The following EXD3 variants were observed in gnomAD, a reference collection of about 807,000 sequenced individuals.
EXD3 encodes exonuclease 3'-5' domain containing 3.
A neutral mutation model predicts 98.0 loss-of-function variants in EXD3; 92 were observed. That is an observed-to-expected ratio of 0.94 (90% CI 0.79 to 1.12). EXD3 has a LOEUF of 1.12. Among genes scored for constraint, EXD3 ranks in the 50% most tolerant of loss-of-function variants. EXD3 has a pLI of 0.00. For synonymous variants in EXD3, 569 were observed against 526.0 expected (o/e 1.08, Z -1.12); for missense variants, 1,222 against 1,191.6 (o/e 1.03, Z -0.38).
At chr9:137,316,797 T>G (rs756831267) in intron 19 of EXD3, among the ~76,000 whole-genome samples, 2 of 151,908 alleles carry the variant, frequency 1.3e-5, no homozygotes, top group Non-Finnish European at 2.9e-5. Context: ...CCGCGTGGGC[T>G]GCTGGAGCCT....
At chr9:137,394,700 C>CGAGCG (rs2131764750) in intron 2 of EXD3, among the ~76,000 whole-genome samples, 1 of 47,342 alleles carries the variant, frequency 2.1e-5, no homozygotes, top group East Asian at 4.6e-4. Flanking sequence ...GCAGGGCAGC[C>CGAGCG]GAGCGAGCGG....
At chr9:137,368,640 C>T (rs1009679663) in intron 5 of EXD3, among the ~76,000 whole-genome samples, 4 of 152,232 alleles carry the variant, frequency 2.6e-5, no homozygotes, top group African/African-American at 4.8e-5. Context: ...GAGCAGCCCG[C>T]GGAGCATCGG....
In EXD3 at chr9:137,407,984, C is replaced by T. The variant is rs1837812799; in HGVS notation, c.-47-12580G>A. The stretch of plus-strand genomic sequence containing the variant: ...CCAGCCTCACGCCTCCGGGGGTCTC[C>T]CCAGCCTCATGCCTCTGGGGATCTC... On this transcript the variant is annotated intron_variant, in intron 1 of 21. Coordinates refer to ENST00000340951, the MANE Select transcript of EXD3 (RefSeq NM_017820.5). This position sits in a 1 kb window ranked among gnomAD's most constrained non-coding sequence, Gnocchi z 4.4. 6.6e-6 allele frequency among the ~76,000 whole-genome samples: 1 copy of T among 152,074 alleles called. No individual in the cohort carries two copies. The highest frequency in any genetic ancestry group is 1.5e-5 in the Non-Finnish European group (1 of 68,016).
At chr9:137,406,813 C>T (rs1272992203) in intron 1 of EXD3, among the ~76,000 whole-genome samples, 3 of 152,114 alleles carry the variant, frequency 2.0e-5, no homozygotes, top group Non-Finnish European at 4.4e-5. Context: ...TCCCGACCCC[C>T]ACCCCAGGCC....
intron 5 of EXD3, 120 bp from the exon 6 acceptor site, chr9:137,368,109 CT>C: frequency 1.2e-6 from 1 of 807,200 alleles, no homozygotes; most frequent in African/African-American, 1.7e-5. Context: ...AGTGCAGGGC[CT>C]TCCCGTGTTC....
At chr9:137,336,364 G>A (rs946212004) in intron 17 of EXD3, among the ~76,000 whole-genome samples, 3 of 152,072 alleles carry the variant, frequency 2.0e-5, no homozygotes, top group Admixed American at 6.6e-5. Flanking sequence ...TCAAATATAC[G>A]TGTTAACATT....
chr9:137,354,174 C>T lies in EXD3; in HGVS notation c.870+165G>A, dbSNP rs1013843201. Reference sequence around the variant, plus strand: ...CGCTCAGGCCTCCCGGGCCTGAGGACCCTACACCCGCCTGCCAGCCACACG... The same window carrying T: ...CGCTCAGGCCTCCCGGGCCTGAGGATCCTACACCCGCCTGCCAGCCACACG... On this transcript the variant is annotated intron_variant, in intron 10 of 21. Transcript: ENST00000340951. 9 of 1,450,612 alleles carry T rather than the reference C, an allele frequency of 6.2e-6. No individual in the cohort carries two copies. The Admixed American group carries it at 1.1e-4, about 18-fold the overall frequency. 89.9% of individuals were successfully genotyped at this position (1,450,612 alleles called of 1,614,324 possible).
chr9:137,400,026 T>C (rs1457056615), intron 1 of EXD3, among the ~76,000 whole-genome samples: 2 of 106,468 alleles, frequency 1.9e-5, no homozygotes, highest in Non-Finnish European at 3.6e-5. Context: ...CAGAACTCCA[T>C]CTCAAAAAAA....
chr9:137,355,063 C>T (rs372768716), intron 8 of EXD3, among the ~76,000 whole-genome samples: 13 of 152,298 alleles, frequency 8.5e-5, no homozygotes, highest in African/African-American at 2.2e-4. Context: ...TCCTTCTTGG[C>T]GTTGGCATCT....
At chr9:137,377,463 G>A (rs1055981620) in intron 3 of EXD3, among the ~76,000 whole-genome samples, 3 of 142,422 alleles carry the variant, frequency 2.1e-5, no homozygotes, top group Admixed American at 1.4e-4. Flanking sequence ...AAAAAAAAAA[G>A]GGAAAGGCAG....
At chr9:137,312,345 C>T (rs971404571) in intron 19 of EXD3, among the ~76,000 whole-genome samples, 1 of 152,164 alleles carries the variant, frequency 6.6e-6, no homozygotes, top group Admixed American at 6.5e-5. Flanking sequence ...GGAAGGCTCC[C>T]AGCTACCTGC....
At position 137,403,738 on chromosome 9, in the gene EXD3, G is replaced by T. The variant is rs976528606; in HGVS notation, c.-47-8334C>A. Reference sequence around the variant, plus strand: ...CAGACCCAGCCACGCAGAGCCCACCGCCAGCTTCCAAGGGCTCCAGAAAGT... The same window carrying T: ...CAGACCCAGCCACGCAGAGCCCACCTCCAGCTTCCAAGGGCTCCAGAAAGT... On this transcript the variant is annotated intron_variant, in intron 1 of 21. Coordinates refer to ENST00000340951, the MANE Select transcript of EXD3 (RefSeq NM_017820.5). The surrounding 1 kb of genome is among the most constrained non-coding windows in gnomAD (Gnocchi z 6.1). Among the ~76,000 whole-genome samples, 4 of 152,152 alleles carry T rather than the reference G, an allele frequency of 2.6e-5. No homozygotes were observed. The highest frequency in any genetic ancestry group is 5.9e-5 in the Non-Finnish European group (4 of 68,018).
chr9:137,399,238 C>T (rs1324007025), intron 1 of EXD3, among the ~76,000 whole-genome samples: 1 of 152,212 alleles, frequency 6.6e-6, no homozygotes, highest in Non-Finnish European at 1.5e-5. Flanking sequence ...GTGCCAGCAT[C>T]TTCTGGGGAG....
intron 7 of EXD3, chr9:137,366,279 A>T (rs765469587): frequency 1.2e-5 from 9 of 728,246 alleles, no homozygotes; most frequent in Non-Finnish European, 2.2e-5. Flanking sequence ...AACTCTTTTC[A>T]CTCGGGAGAA....
At chr9:137,316,878 G>A (rs1018138999) in intron 19 of EXD3, among the ~76,000 whole-genome samples, 17 of 152,190 alleles carry the variant, frequency 1.1e-4, no homozygotes, top group Non-Finnish European at 2.5e-4. Flanking sequence ...GGCCCGTTCA[G>A]CCCACCCTGC....
At chr9:137,338,624 C>G (rs544459302) in intron 17 of EXD3, among the ~76,000 whole-genome samples, 1 of 151,840 alleles carries the variant, frequency 6.6e-6, no homozygotes, top group East Asian at 1.9e-4. Context: ...CAGTGGCTCA[C>G]GCCTGTAATC....
chr9:137,372,249 A>G (rs1343973377), intron 5 of EXD3, among the ~76,000 whole-genome samples: 1 of 152,174 alleles, frequency 6.6e-6, no homozygotes, highest in Non-Finnish European at 1.5e-5. Flanking sequence ...CGCATCTCGC[A>G]CCTGGGCGAC....
chr9:137,308,465 C>A (rs78178808), intron 20 of EXD3, among the ~76,000 whole-genome samples: 38 of 151,854 alleles, frequency 2.5e-4, no homozygotes, highest in African/African-American at 7.8e-4. Context: ...CCACTACCCT[C>A]GGGTGGGGTG....
intron 16 of EXD3, among the ~76,000 whole-genome samples, chr9:137,348,892 C>T (rs565960038): frequency 3.9e-4 from 59 of 151,844 alleles, no homozygotes; most frequent in African/African-American, 1.4e-3. Flanking sequence ...CTCAGGGGCA[C>T]GGCTGCCTCC....
Sources: gnomAD v4.1 joint callset for allele counts (sites outside exome capture counted in the v4.1 genomes callset) on GRCh38, gnomAD v4.1.1 for gene constraint, Gnocchi (gnomAD v3.1) non-coding constraint, MANE v1.5 for transcripts, NCBI Gene and HGNC (gene_info 2026-07-23, HGNC 2026-07-21) for gene names.